The following KCNMA1 variants were observed in gnomAD, a reference collection of about 807,000 sequenced individuals.
The protein encoded by KCNMA1 is potassium calcium-activated channel subfamily M alpha 1, also known as Calcium-activated potassium channel subunit alpha-1.
A neutral mutation model predicts 140.0 loss-of-function variants in KCNMA1; 29 were observed. That is an observed-to-expected ratio of 0.21 (90% CI 0.15 to 0.28). The LOEUF (loss-of-function observed/expected upper bound fraction) is 0.28, where lower values mean the gene tolerates loss of function less well. Ranked by LOEUF, KCNMA1 falls within the 10% of genes least tolerant of loss-of-function variation. The probability of loss-of-function intolerance (pLI) is 1.00; values close to 1 mark genes in which losing one functional copy is unlikely to be tolerated. For synonymous variants in KCNMA1, 612 were observed against 611.9 expected (o/e 1.00, Z 0.00); for missense variants, 880 against 1,602.2 (o/e 0.55, Z 7.70).
chr10:77,614,923 C>T (rs2088782638), intron 1 of KCNMA1, among the ~76,000 whole-genome samples: 1 of 152,192 alleles, frequency 6.6e-6, no homozygotes, highest in African/African-American at 2.4e-5. Context: ...AACCAAATGC[C>T]TGTGGCAGAA....
chr10:77,582,685 C>T (rs561167718), intron 1 of KCNMA1, among the ~76,000 whole-genome samples: 241 of 152,340 alleles, frequency 1.6e-3, no homozygotes, highest in Non-Finnish European at 2.9e-3. Context: ...CTCTTCTTGA[C>T]CAACTGCAAG....
chr10:76,914,870 C>T, intron 24 of KCNMA1, 66 bp downstream of exon 24: 2 of 1,177,754 alleles, frequency 1.7e-6, no homozygotes, highest in Admixed American at 1.7e-5. Context: ...AAACCAACCT[C>T]CTCATATCCT....
intron 20 of KCNMA1, among the ~76,000 whole-genome samples, chr10:76,956,163 AGAC>A (rs1304420189): frequency 6.6e-6 from 1 of 152,238 alleles, no homozygotes. Context: ...GGAAGGAGTC[AGAC>A]GTTGTTAACA....
chr10:77,631,895 T>C (rs1192900346), intron 1 of KCNMA1, among the ~76,000 whole-genome samples: 2 of 152,158 alleles, frequency 1.3e-5, no homozygotes, highest in East Asian at 1.9e-4. Context: ...AGGGAGGCCA[T>C]AGGTTCTCAG....
chr10:76,928,110 G>A (rs571227612), intron 23 of KCNMA1, among the ~76,000 whole-genome samples: 1 of 152,076 alleles, frequency 6.6e-6, no homozygotes, highest in African/African-American at 2.4e-5. Flanking sequence ...ATGGGAGGAC[G>A]GGAAAATTGC....
At chr10:77,383,716 T>C (rs2095507668) in intron 2 of KCNMA1, among the ~76,000 whole-genome samples, 1 of 152,180 alleles carries the variant, frequency 6.6e-6, no homozygotes, top group Non-Finnish European at 1.5e-5. Context: ...GCATTGTTGC[T>C]TTTTTAGAGA....
At chr10:77,195,567 C>CT (rs200966252) in intron 3 of KCNMA1, among the ~76,000 whole-genome samples, 14 of 151,398 alleles carry the variant, frequency 9.2e-5, no homozygotes, top group African/African-American at 3.4e-4. Context: ...ATTTCTTTTC[C>CT]TTTTTTTTTC....
chr10:77,565,838 T>C (rs142506327), intron 1 of KCNMA1, among the ~76,000 whole-genome samples: 15 of 151,874 alleles, frequency 9.9e-5, no homozygotes, highest in Non-Finnish European at 2.1e-4. Context: ...CCACAGGAGG[T>C]GTCAAATGTG....
chr10:77,452,239 C>T lies in KCNMA1; in HGVS notation c.379-48216G>A, dbSNP rs2154520504. Among the ~76,000 whole-genome samples, 2 of 152,264 alleles carry T rather than the reference C, an allele frequency of 1.3e-5. 1 individual carries two copies. The highest frequency in any genetic ancestry group is 3.9e-4 in the East Asian group (2 of 5,158). ...ACTGGCCATGCCTCCTGGTCATGTC[C>T]CATACCTCATGTCCTCATGTGAGAC... On this transcript the variant is annotated intron_variant, in intron 1 of 27. Coordinates refer to ENST00000286628, the MANE Select transcript of KCNMA1 (RefSeq NM_001161352.2).
chr10:77,236,327 A>G (rs2055438191), intron 3 of KCNMA1, among the ~76,000 whole-genome samples: 1 of 152,158 alleles, frequency 6.6e-6, no homozygotes, highest in Non-Finnish European at 1.5e-5. Context: ...TTTCCCTGTA[A>G]TAAATTGTAA....
chr10:77,494,561 G>T (rs888528896), intron 1 of KCNMA1, among the ~76,000 whole-genome samples: 6 of 152,220 alleles, frequency 3.9e-5, no homozygotes, highest in Non-Finnish European at 7.3e-5. Context: ...AGCCCAGAGA[G>T]CACCTTTCAC....
chr10:77,035,675 A>C (rs1481022940), intron 15 of KCNMA1, among the ~76,000 whole-genome samples: 2 of 152,234 alleles, frequency 1.3e-5, no homozygotes, highest in African/African-American at 4.8e-5. Context: ...CGATAAGAGA[A>C]TTTCCTAAAG....
At position 77,019,171 on chromosome 10, in the gene KCNMA1, T is replaced by C. The variant is rs139195164; in HGVS notation, c.1929-72A>G. 1.6e-4 allele frequency: 134 copies of C among 846,258 alleles called. No homozygotes were observed. The African/African-American group carries it at 1.7e-3, about 11-fold the overall frequency. The allele number at this position is 846,258 out of a possible 1,614,324, so 52.4% of individuals were successfully genotyped here. Reference sequence around the variant, plus strand: ...ATGTTCTGAATAAAACCTTGAAGGCTACACCATACTGTTGTGTTTATAGGG... The same window carrying C: ...ATGTTCTGAATAAAACCTTGAAGGCCACACCATACTGTTGTGTTTATAGGG... On this transcript the variant is annotated intron_variant, in intron 16 of 27. Transcript: ENST00000286628.
At chr10:77,212,317 G>C (rs1169605017) in intron 3 of KCNMA1, among the ~76,000 whole-genome samples, 1 of 152,202 alleles carries the variant, frequency 6.6e-6, no homozygotes, top group Non-Finnish European at 1.5e-5. Context: ...TGGAGCTGGA[G>C]GCCATAATCC....
At chr10:77,146,326 T>C (rs1182967696) in intron 5 of KCNMA1, among the ~76,000 whole-genome samples, 2 of 152,178 alleles carry the variant, frequency 1.3e-5, no homozygotes, top group Non-Finnish European at 1.5e-5. Flanking sequence ...ATGTAAGTTT[T>C]GACCCTGGCT....
intron 23 of KCNMA1, among the ~76,000 whole-genome samples, chr10:76,925,039 C>G (rs936627233): frequency 6.6e-6 from 1 of 152,292 alleles, no homozygotes; most frequent in Middle Eastern, 3.4e-3. Context: ...TCTTCCAGGA[C>G]GTCTGCCTTG....
intron 2 of KCNMA1, among the ~76,000 whole-genome samples, chr10:77,338,535 TCTC>T (rs2089962526): frequency 1.3e-5 from 2 of 152,212 alleles, no homozygotes; most frequent in South Asian, 4.1e-4. Flanking sequence ...TGCCTCCCCT[TCTC>T]ATCTCTGCAT....
chr10:76,946,631 G>A (rs544953643), intron 22 of KCNMA1, among the ~76,000 whole-genome samples: 7 of 152,316 alleles, frequency 4.6e-5, no homozygotes, highest in African/African-American at 1.4e-4. Context: ...TTGAGAGAAG[G>A]AGAATGCCCT....
At chr10:77,211,361 T>C (rs1198784584) in intron 3 of KCNMA1, among the ~76,000 whole-genome samples, 1 of 152,126 alleles carries the variant, frequency 6.6e-6, no homozygotes, top group Non-Finnish European at 1.5e-5. Context: ...GGGAAGGGAC[T>C]CTCTATTAAA....
Sources: gnomAD v4.1 joint callset for allele counts (sites outside exome capture counted in the v4.1 genomes callset) on GRCh38, gnomAD v4.1.1 for gene constraint, MANE v1.5 for transcripts, NCBI Gene and HGNC (gene_info 2026-07-23, HGNC 2026-07-21) for gene names.